SNAP91: variants seen among roughly 807,000 people sequenced by gnomAD.
The protein encoded by SNAP91 is clathrin coat assembly protein AP180.
Under a neutral mutation model 100.3 loss-of-function variants are expected in SNAP91, and 27 were observed. The ratio of observed to expected loss-of-function variants is 0.27; its 90% confidence interval spans 0.20 to 0.37. The LOEUF is 0.37. SNAP91 is among the 10% of genes least tolerant of loss of function. The probability of loss-of-function intolerance (pLI) is 1.00; values close to 1 mark genes in which losing one functional copy is unlikely to be tolerated. For synonymous variants in SNAP91, 404 were observed against 398.6 expected, an observed-to-expected ratio of 1.01 and a Z score of -0.16; for missense variants, 986 against 1,123.7, an observed-to-expected ratio of 0.88 and a Z score of 1.75.
intron 26 of SNAP91, among the ~76,000 whole-genome samples, chr6:83,572,485 C>T (rs996225512): frequency 2.0e-5 from 3 of 152,114 alleles, no homozygotes; most frequent in Non-Finnish European, 4.4e-5. Flanking sequence ...CTCCTGACCT[C>T]AAGTGATCCG....
In SNAP91 at chr6:83,580,485, C is replaced by T; in HGVS notation, c.2264G>A (p.Ser755Asn). 1 of 1,613,616 alleles carries T rather than the reference C, an allele frequency of 6.2e-7. No homozygotes were observed. The highest frequency in any genetic ancestry group is 8.5e-7 in the Non-Finnish European group (1 of 1,179,770). ...GCTGGCAAGAGATGAATCAAGATCA[C>T]TTCCAAGGGCTTTGCTGGCTGCCAT... Reference protein sequence around the residue: ...PAMAASKALGSDLDSSLASLV... With the variant: ...PAMAASKALGNDLDSSLASLV... Residue 755 changes from serine (S) to asparagine (N), a missense_variant, in exon 24 of 30, where the codon AGT (serine) becomes AAT (asparagine). Coordinates refer to ENST00000369694, the MANE Select transcript of SNAP91 (RefSeq NM_001242792.2).
At chr6:83,609,538 T>C (rs1342452619) in intron 12 of SNAP91, among the ~76,000 whole-genome samples, 6 of 152,196 alleles carry the variant, frequency 3.9e-5, no homozygotes, top group African/African-American at 1.4e-4. Context: ...AATGATATCC[T>C]TGAATATCTG....
chr6:83,579,612 C>T (rs1166111984), intron 24 of SNAP91, among the ~76,000 whole-genome samples: 1 of 152,126 alleles, frequency 6.6e-6, no homozygotes, highest in African/African-American at 2.4e-5. Context: ...GAGCAAAGGT[C>T]GATCTTTGTA....
chr6:83,600,386 C>T (rs573565744), intron 16 of SNAP91, among the ~76,000 whole-genome samples: 2 of 152,294 alleles, frequency 1.3e-5, no homozygotes, highest in African/African-American at 4.8e-5. Flanking sequence ...TTTTCTTCCT[C>T]CAATTTCTTT....
intron 16 of SNAP91, among the ~76,000 whole-genome samples, chr6:83,595,047 A>G (rs2094301916): frequency 6.6e-6 from 1 of 152,204 alleles, no homozygotes; most frequent in African/African-American, 2.4e-5. Context: ...CTAAGTGTTA[A>G]GTCTTCACTA....
chr6:83,562,750 A>G (rs1790024243), intron 26 of SNAP91, among the ~76,000 whole-genome samples: 1 of 152,108 alleles, frequency 6.6e-6, no homozygotes, highest in Non-Finnish European at 1.5e-5. Flanking sequence ...CTGTAAACCT[A>G]CCAATTAAAT....
At chr6:83,554,614 C>T (rs1158059) in intron 29 of SNAP91, among the ~76,000 whole-genome samples, 61,298 of 151,882 alleles carry the variant, frequency 0.4, 13,570 homozygotes, top group South Asian at 0.53. Flanking sequence ...CTAAGAGCAG[C>T]CAACCTTTAA....
At chr6:83,629,293 T>C (rs893389400) in intron 8 of SNAP91, among the ~76,000 whole-genome samples, 1 of 152,134 alleles carries the variant, frequency 6.6e-6, no homozygotes, top group Admixed American at 6.6e-5. Flanking sequence ...AATCAGGTAA[T>C]GTGATGCCTC....
At chr6:83,611,131 A>G (rs1394422866) in intron 11 of SNAP91, among the ~76,000 whole-genome samples, 1 of 152,076 alleles carries the variant, frequency 6.6e-6, no homozygotes, top group Admixed American at 6.6e-5. Context: ...GTTAAAGTAC[A>G]CTGTGAAGAT....
chr6:83,681,711 G>C (rs765642693), intron 2 of SNAP91, among the ~76,000 whole-genome samples: 1 of 152,170 alleles, frequency 6.6e-6, no homozygotes, highest in Non-Finnish European at 1.5e-5. Context: ...ATGAGAGCAA[G>C]GGTTGAGAGA....
At chr6:83,571,191 G>C (rs762920633) in intron 26 of SNAP91, among the ~76,000 whole-genome samples, 1 of 151,484 alleles carries the variant, frequency 6.6e-6, no homozygotes, top group Non-Finnish European at 1.5e-5. Flanking sequence ...TGCAACCTGC[G>C]CCTCCCAGGT....
At chr6:83,648,925 A>G (rs2098079824) in intron 7 of SNAP91, among the ~76,000 whole-genome samples, 1 of 152,178 alleles carries the variant, frequency 6.6e-6, no homozygotes, top group Admixed American at 6.5e-5. Context: ...TTTGAGGAGC[A>G]TGAGTAATTT....
Position 83,655,044 on chromosome 6 carries a change from G to C in SNAP91, c.658+1710C>G, listed in dbSNP as rs113317743. ...TAGGATATCATTTTGATGACATAAG[G>C]CTGAATGTATTTAGTGGGCAAGAAC... On this transcript the variant is annotated intron_variant, in intron 7 of 29. Transcript: ENST00000369694. Among the ~76,000 whole-genome samples, 3 of 152,140 alleles carry C rather than the reference G, an allele frequency of 2.0e-5. No homozygotes were observed. In the East Asian group the frequency reaches 5.8e-4, roughly 29 times the overall value.
At chr6:83,676,463 T>C (rs2098901330) in intron 2 of SNAP91, among the ~76,000 whole-genome samples, 1 of 152,234 alleles carries the variant, frequency 6.6e-6, no homozygotes, top group African/African-American at 2.4e-5. Context: ...GATTCAGTCA[T>C]CTTGGGAAGG....
At chr6:83,587,487 CATTT>C (rs984252054) in intron 22 of SNAP91, among the ~76,000 whole-genome samples, 4 of 151,966 alleles carry the variant, frequency 2.6e-5, no homozygotes, top group South Asian at 2.1e-4. Flanking sequence ...TGACTAGGCT[CATTT>C]ATTTATTTTT....
At position 83,580,532 on chromosome 6, in the gene SNAP91, T is replaced by C. The variant is rs749963452; in HGVS notation, c.2217A>G (p.Ser739=). Residue 739 remains serine (S), a synonymous_variant, in exon 24 of 30, where the codon TCA becomes TCG. Coordinates refer to ENST00000369694, the MANE Select transcript of SNAP91 (RefSeq NM_001242792.2). ...CCATTGCAGGACTGGGTGGTACCAT[T>C]GAGACAGGTGCAGGCTGCCCAGCTG... The part of the protein sequence containing the change: ...MAPAGQPAPV[S]MVPPSPAMAA... 3 of 1,613,750 alleles carry C rather than the reference T, an allele frequency of 1.9e-6. No individual in the cohort carries two copies. The South Asian group carries it at 3.3e-5, about 18-fold the overall frequency.
At chr6:83,560,839 A>G in intron 27 of SNAP91, 25 bp downstream of exon 27, 1 of 1,603,096 alleles carries the variant, frequency 6.2e-7, no homozygotes, top group South Asian at 1.1e-5. Flanking sequence ...GTTGATTACA[A>G]TTTTTAGCAC....
chr6:83,628,020 CCT>C (rs754525043), intron 8 of SNAP91, among the ~76,000 whole-genome samples: 10 of 151,650 alleles, frequency 6.6e-5, no homozygotes, highest in Admixed American at 3.3e-4. Flanking sequence ...ACCCTTTCCC[CCT>C]GATTTCCTCA....
At chr6:83,667,574 GATTT>G (rs1183920370) in intron 2 of SNAP91, among the ~76,000 whole-genome samples, 1 of 151,850 alleles carries the variant, frequency 6.6e-6, no homozygotes, top group African/African-American at 2.4e-5. Context: ...CATGTTAACA[GATTT>G]ATTATTATTT....
Sources: allele counts gnomAD v4.1 joint callset (sites outside exome capture counted in the v4.1 genomes callset), GRCh38; gene constraint gnomAD v4.1.1; transcripts MANE v1.5; gene names NCBI Gene and HGNC (gene_info 2026-07-23, HGNC 2026-07-21).